Variants in DEPDC5 observed in about 807,000 individuals in gnomAD.
DEPDC5 encodes the protein DEP domain containing 5, GATOR1 subcomplex subunit, also known as GATOR1 complex protein DEPDC5.
In DEPDC5, 73 loss-of-function variants were observed where a neutral mutation model predicts 217.3. That is an observed-to-expected ratio of 0.34 (90% CI 0.28 to 0.41). The LOEUF is 0.41. Among genes scored for constraint, DEPDC5 ranks in the 10% least tolerant of loss-of-function variants. The probability of loss-of-function intolerance (pLI) is 1.00; values close to 1 mark genes in which losing one functional copy is unlikely to be tolerated. For missense variants in DEPDC5, 1,675 were observed against 2,070.1 expected, an observed-to-expected ratio of 0.81 and a Z score of 3.70; for synonymous variants, 733 against 756.7, an observed-to-expected ratio of 0.97 and a Z score of 0.51.
chr22:31,793,771 A>G (rs919297998), intron 12 of DEPDC5, among the ~76,000 whole-genome samples: 1 of 152,088 alleles, frequency 6.6e-6, no homozygotes, highest in Non-Finnish European at 1.5e-5. Context: ...GGGGTTCGCC[A>G]TGTTGGCCAG....
chr22:31,803,905 G>A (rs1256421305), intron 15 of DEPDC5, among the ~76,000 whole-genome samples: 1 of 152,080 alleles, frequency 6.6e-6, no homozygotes, highest in East Asian at 1.9e-4. Flanking sequence ...TTTTAAACAA[G>A]TCATGACCTG....
At chr22:31,829,153 A>C (rs185822648) in intron 24 of DEPDC5, among the ~76,000 whole-genome samples, 1 of 152,228 alleles carries the variant, frequency 6.6e-6, no homozygotes, top group East Asian at 1.9e-4. Context: ...GGTTGGGTAC[A>C]TTATGGGCTA....
At chr22:31,861,534 G>C in intron 33 of DEPDC5, 101 bp downstream of exon 33, 2 of 1,246,810 alleles carry the variant, frequency 1.6e-6, no homozygotes, top group Non-Finnish European at 1.1e-6. Context: ...CTGCAACTAA[G>C]TTTGGGGGGC....
chr22:31,809,875 G>A (rs1041591721), intron 19 of DEPDC5, among the ~76,000 whole-genome samples: 7 of 152,092 alleles, frequency 4.6e-5, no homozygotes, highest in African/African-American at 1.4e-4. Context: ...CCAGCTACTC[G>A]GGAGGCTGAG....
rs777008789 is a variant in DEPDC5, at chr22:31,843,830, G to A, written c.2801+18G>A. ...GACTTCAGGTCAGAGAGTGGGCTTT[G>A]GATTTCCATCTTTGCATCCTTGGGC... On this transcript the variant is annotated intron_variant, in intron 29 of 42. Transcript: ENST00000651528. The A allele has an allele frequency of 6.3e-7, 1 of 1,574,802 alleles. No homozygotes were observed. The highest frequency in any genetic ancestry group is 1.1e-5 in the South Asian group (1 of 87,424).
chr22:31,791,061 A>G (rs2085576784), intron 10 of DEPDC5, among the ~76,000 whole-genome samples: 1 of 152,068 alleles, frequency 6.6e-6, no homozygotes, highest in Non-Finnish European at 1.5e-5. Flanking sequence ...CCCTGTCTTT[A>G]TAAAAAATGC....
At chr22:31,793,518 A>G (rs538080100) in intron 12 of DEPDC5, among the ~76,000 whole-genome samples, 1 of 152,226 alleles carries the variant, frequency 6.6e-6, no homozygotes, top group African/African-American at 2.4e-5. Context: ...TACATATTCA[A>G]AAAAGGCATT....
At position 31,897,641 on chromosome 22, in the gene DEPDC5, C is replaced by T; in HGVS notation, c.4363C>T (p.His1455Tyr). 1 of 1,613,956 alleles carries T rather than the reference C, an allele frequency of 6.2e-7. No individual in the cohort carries two copies. Among genetic ancestry groups the T allele is most frequent in the Non-Finnish European group, 8.5e-7 (1 of 1,179,980 alleles). Residue 1455 changes from histidine (H) to tyrosine (Y), a missense_variant, in exon 40 of 43, where the codon CAC becomes TAC. Physicochemically the swap from His to Tyr is moderately conservative, Grantham distance 83 (BLOSUM62 2). Coordinates refer to ENST00000651528, the MANE Select transcript of DEPDC5 (RefSeq NM_001242896.3). ...ISCLLKEGSE[H>Y]LFDSFEPETY... ...CTGCTTGCTCAAGGAGGGCAGCGAG[C>T]ACCTGTTTGATAGTAAGAAATATTC...
At chr22:31,825,886 C>T (rs948366072) in intron 24 of DEPDC5, among the ~76,000 whole-genome samples, 1 of 152,198 alleles carries the variant, frequency 6.6e-6, no homozygotes. Flanking sequence ...GTGGAAAGAG[C>T]GCAGGCTCCA....
chr22:31,757,234 G>A (rs2082006339), intron 2 of DEPDC5: 1 of 152,138 alleles, frequency 6.6e-6, no homozygotes, highest in Non-Finnish European at 1.5e-5. Context: ...TGTAGTCACA[G>A]CTACTCAAGA....
At chr22:31,862,629 A>G (rs951444264) in intron 33 of DEPDC5, among the ~76,000 whole-genome samples, 1 of 152,248 alleles carries the variant, frequency 6.6e-6, no homozygotes, top group Non-Finnish European at 1.5e-5. Context: ...TTAGCTGGTT[A>G]GTGGGCATAT....
chr22:31,884,066 C>T (rs1487138408), intron 38 of DEPDC5, among the ~76,000 whole-genome samples: 7 of 152,172 alleles, frequency 4.6e-5, no homozygotes, highest in Non-Finnish European at 8.8e-5. Context: ...TTTGAGCTGC[C>T]AAACCTCATT....
At chr22:31,810,988 T>C (rs552950634) in intron 20 of DEPDC5, among the ~76,000 whole-genome samples, 10 of 152,240 alleles carry the variant, frequency 6.6e-5, no homozygotes, top group African/African-American at 2.2e-4. Context: ...TTGGTCAGGC[T>C]GGTCTCGAAC....
intron 33 of DEPDC5, among the ~76,000 whole-genome samples, 186 bp from the exon 34 acceptor site, chr22:31,870,404 A>G (rs1005247129): frequency 2.6e-5 from 4 of 152,232 alleles, no homozygotes; most frequent in Non-Finnish European, 5.9e-5. Flanking sequence ...TAGAGTCTCT[A>G]GACAACTTTA....
At chr22:31,863,205 T>C (rs926426826) in intron 33 of DEPDC5, among the ~76,000 whole-genome samples, 1 of 152,188 alleles carries the variant, frequency 6.6e-6, no homozygotes, top group Non-Finnish European at 1.5e-5. Flanking sequence ...TCACTCTAGC[T>C]GCCCAGGCTG....
Position 31,834,673 on chromosome 22 carries a change from C to A in DEPDC5, c.2170+693C>A, listed in dbSNP as rs533171505. ...CTGGGATTATAGGCGCGCGCCACCA[C>A]GCCTGGCTAATTTTTGTATTTTTAG... On this transcript the variant is annotated intron_variant, in intron 25 of 42. Coordinates refer to ENST00000651528, the MANE Select transcript of DEPDC5 (RefSeq NM_001242896.3). 2.0e-5 allele frequency among the ~76,000 whole-genome samples: 3 copies of A among 151,974 alleles called. No homozygotes were observed. The South Asian group carries it at 6.2e-4, about 32-fold the overall frequency.
chr22:31,860,320 T>C (rs1039273926), intron 32 of DEPDC5, among the ~76,000 whole-genome samples: 6 of 152,198 alleles, frequency 3.9e-5, no homozygotes, highest in Admixed American at 2.6e-4. Context: ...AGGTTTCGTA[T>C]TGGAGTTTGC....
chr22:31,879,602 G>A lies in DEPDC5; in HGVS notation c.3883G>A (p.Glu1295Lys). Residue 1295 changes from glutamate (E) to lysine (K), a missense_variant, in exon 38 of 43, where the codon GAG becomes AAG. Glu to Lys is a moderately conservative substitution (Grantham distance 56, BLOSUM62 1). Transcript: ENST00000651528. Reference sequence around the variant, plus strand: ...CGCCAGCTTCCAGCGCAAGTGGTTTGAGGTGGCCTTTGTGGCAGAAGAGCT... The same window carrying A: ...CGCCAGCTTCCAGCGCAAGTGGTTTAAGGTGGCCTTTGTGGCAGAAGAGCT... Reference protein sequence around the residue: ...DFASFQRKWFEVAFVAEELVH... With the variant: ...DFASFQRKWFKVAFVAEELVH... 1.2e-6 allele frequency: 2 copies of A among 1,613,906 alleles called. No homozygotes were observed. The highest frequency in any genetic ancestry group is 1.7e-6 in the Non-Finnish European group (2 of 1,180,030).
At chr22:31,824,836 C>T (rs920535694) in intron 24 of DEPDC5, among the ~76,000 whole-genome samples, 1 of 151,742 alleles carries the variant, frequency 6.6e-6, no homozygotes, top group Admixed American at 6.6e-5. Context: ...AATAACTGGG[C>T]GTGGTGGCGG....
Sources: allele counts gnomAD v4.1 joint callset (sites outside exome capture counted in the v4.1 genomes callset), GRCh38; gene constraint gnomAD v4.1.1; transcripts MANE v1.5; gene names NCBI Gene and HGNC (gene_info 2026-07-23, HGNC 2026-07-21).